Variants in TSGA10IP observed in about 807,000 individuals in gnomAD.
TSGA10IP encodes the protein testis specific 10 interacting protein.
Under a neutral mutation model 63.2 loss-of-function variants are expected in TSGA10IP, and 64 were observed. The ratio of observed to expected loss-of-function variants is 1.01; its 90% confidence interval spans 0.83 to 1.25. The LOEUF is 1.25. Among genes scored for constraint, TSGA10IP ranks in the 50% most tolerant of loss-of-function variants. TSGA10IP has a pLI of 0.00. For synonymous variants in TSGA10IP, 316 were observed against 298.3 expected (o/e 1.06, Z -0.61); for missense variants, 681 against 710.1 (o/e 0.96, Z 0.47).
chr11:65,959,265 C>T (rs778913900), exon 7 of TSGA10IP: 49 of 1,610,812 alleles, frequency 3.0e-5, no homozygotes, highest in Non-Finnish European at 8.5e-6. Context: ...GGAGCAGCTG[C>T]TGTCTGAGGC....
chr11:65,959,883 C>A, exon 8 of TSGA10IP: 2 of 1,609,790 alleles, frequency 1.2e-6, no homozygotes, highest in Non-Finnish European at 1.7e-6. Context: ...CAGAACCCAC[C>A]GGCAGCCAGC....
intron 3 of TSGA10IP, 58 bp downstream of exon 3, chr11:65,947,886 G>T: frequency 6.6e-7 from 1 of 1,510,024 alleles, no homozygotes; most frequent in Non-Finnish European, 8.9e-7. Flanking sequence ...GGAACAGGGA[G>T]CAGTCAGGGA....
At chr11:65,946,797 A>G in intron 1 of TSGA10IP, 83 bp from the exon 2 acceptor site, 1 of 1,495,048 alleles carries the variant, frequency 6.7e-7, no homozygotes, top group Non-Finnish European at 9.0e-7. Flanking sequence ...AGCCAGGTGC[A>G]CAGAGGGAGC....
intron 4 of TSGA10IP, among the ~76,000 whole-genome samples, chr11:65,949,656 C>A (rs556380794): frequency 6.6e-6 from 1 of 152,036 alleles, no homozygotes; most frequent in East Asian, 1.9e-4. Context: ...ACCTCGTGAT[C>A]TGCCCGCCTC....
chr11:65,955,590 G>A (rs1259752278), intron 5 of TSGA10IP, among the ~76,000 whole-genome samples: 2 of 151,464 alleles, frequency 1.3e-5, no homozygotes, highest in South Asian at 4.2e-4. Context: ...TCCAGCCTGG[G>A]TGACAGAGAA....
chr11:65,947,757 G>C (rs1275771267), exon 3 of TSGA10IP: 1 of 1,587,958 alleles, frequency 6.3e-7, no homozygotes, highest in Non-Finnish European at 8.6e-7. Context: ...AGGAAGACAA[G>C]GGCCAAGGAG....
chr11:65,945,951 G>A, intron 1 of TSGA10IP, 129 bp downstream of exon 1: 1 of 1,175,010 alleles, frequency 8.5e-7, no homozygotes, highest in South Asian at 1.5e-5. Context: ...AGGGAGGCAG[G>A]AGTGGGACAG....
At chr11:65,953,143 A>T (rs1295623285) in intron 4 of TSGA10IP, among the ~76,000 whole-genome samples, 2 of 144,578 alleles carry the variant, frequency 1.4e-5, no homozygotes, top group African/African-American at 5.2e-5. Context: ...CAATTCTCCC[A>T]CCTCAGCCTA....
chr11:65,946,732 C>A, intron 1 of TSGA10IP, 148 bp from the exon 2 acceptor site: 3 of 865,688 alleles, frequency 3.5e-6, no homozygotes. Flanking sequence ...CCACATCCAG[C>A]CCTGTTTGGT....
intron 3 of TSGA10IP, 46 bp from the exon 4 acceptor site, chr11:65,947,955 G>A (rs894424718): frequency 6.5e-7 from 1 of 1,535,940 alleles, no homozygotes; most frequent in Non-Finnish European, 8.8e-7. Context: ...TGCCTGGTGG[G>A]CTGAGAGGGA....
intron 4 of TSGA10IP, among the ~76,000 whole-genome samples, chr11:65,952,097 GC>G (rs1854953285): frequency 6.6e-6 from 1 of 152,068 alleles, no homozygotes; most frequent in Non-Finnish European, 1.5e-5. Flanking sequence ...CAAATGATCT[GC>G]CCGCCTTGGC....
Position 65,945,779 on chromosome 11 carries a change from C to CG in TSGA10IP, c.108dup (p.Leu37AlafsTer20). ...CGGCTCCAGGCTCCAGGAACCAGAA[C>CG]GGGGCTGCTCAAGCTGCTGTCGACC... On this transcript the variant is annotated frameshift_variant, in exon 1 of 8. Transcript: ENST00000532620. LOFTEE classifies it high-confidence loss of function. 6.2e-7 allele frequency: 1 copy of CG among 1,613,978 alleles called. No homozygotes were observed. The highest frequency in any genetic ancestry group is 8.5e-7 in the Non-Finnish European group (1 of 1,179,878).
At chr11:65,948,593 T>C (rs1353115810) in intron 4 of TSGA10IP, among the ~76,000 whole-genome samples, 1 of 152,094 alleles carries the variant, frequency 6.6e-6, no homozygotes, top group Non-Finnish European at 1.5e-5. Context: ...GGAGGATCTC[T>C]TGAGTTCAGG....
intron 5 of TSGA10IP, 126 bp downstream of exon 5, chr11:65,953,863 C>T (rs1264018767): frequency 1.6e-5 from 12 of 748,166 alleles, no homozygotes; most frequent in African/African-American, 1.1e-4. Context: ...CACTTCACCG[C>T]GTTTCCAGAT....
intron 1 of TSGA10IP, among the ~76,000 whole-genome samples, chr11:65,946,268 C>T (rs796369111): frequency 1.2e-4 from 18 of 152,240 alleles, no homozygotes; most frequent in African/African-American, 4.3e-4. Flanking sequence ...TCAGCTTTCT[C>T]CTCCACATGA....
intron 5 of TSGA10IP, among the ~76,000 whole-genome samples, chr11:65,954,470 G>C (rs1233301940): frequency 6.6e-6 from 1 of 151,732 alleles, no homozygotes; most frequent in Non-Finnish European, 1.5e-5. Flanking sequence ...CACTGCACCT[G>C]GCCGTGACCA....
chr11:65,947,824 C>G, exon 3 of TSGA10IP: 1 of 1,552,496 alleles, frequency 6.4e-7, no homozygotes. Context: ...GAGACCTGGA[C>G]TGTGGTGAGC....
intron 5 of TSGA10IP, among the ~76,000 whole-genome samples, chr11:65,958,509 G>A (rs1855062741): frequency 6.6e-6 from 1 of 152,132 alleles, no homozygotes; most frequent in South Asian, 2.1e-4. Flanking sequence ...TCCCCCTCAA[G>A]GGAAAGAGGA....
exon 2 of TSGA10IP, chr11:65,946,991 G>A: frequency 6.2e-7 from 1 of 1,614,012 alleles, no homozygotes. Flanking sequence ...GAGCAAGAAA[G>A]GACAGGGCTC....
Sources: allele counts gnomAD v4.1 joint callset (sites outside exome capture counted in the v4.1 genomes callset), GRCh38; gene constraint gnomAD v4.1.1; transcripts MANE v1.5; gene names NCBI Gene and HGNC (gene_info 2026-07-23, HGNC 2026-07-21).